Variants in ESR1 observed in about 807,000 individuals in gnomAD.
ESR1 encodes estrogen receptor 1, also known as estrogen receptor.
In ESR1, 12 loss-of-function variants were observed where a neutral mutation model predicts 52.7. The ratio of observed to expected loss-of-function variants is 0.23; its 90% confidence interval spans 0.15 to 0.37. The LOEUF (loss-of-function observed/expected upper bound fraction) is 0.37, where lower values mean the gene tolerates loss of function less well. Ranked by LOEUF, ESR1 falls within the 10% of genes least tolerant of loss-of-function variation. The pLI, the probability that ESR1 is intolerant of heterozygous loss-of-function variation, is 1.00. For missense variants in ESR1, 584 were observed against 779.7 expected (o/e 0.75, Z 2.99); for synonymous variants, 305 against 316.8 (o/e 0.96, Z 0.39).
intron 5 of ESR1, among the ~76,000 whole-genome samples, chr6:152,012,631 A>G (rs2042870779): frequency 6.6e-6 from 1 of 152,192 alleles, no homozygotes; most frequent in African/African-American, 2.4e-5. Context: ...TGGCTCCGGT[A>G]TGCTCTGTTA....
chr6:151,916,633 G>A (rs952402088), intron 3 of ESR1, among the ~76,000 whole-genome samples: 1 of 152,008 alleles, frequency 6.6e-6, no homozygotes, highest in African/African-American at 2.4e-5. Context: ...GATGATTCAG[G>A]CTCTTCATAA....
chr6:151,939,577 T>C (rs1201963388), intron 3 of ESR1, among the ~76,000 whole-genome samples: 1 of 152,104 alleles, frequency 6.6e-6, no homozygotes, highest in East Asian at 1.9e-4. Flanking sequence ...AAAATTGAAA[T>C]AGAAGTCGCA....
chr6:151,986,020 A>G (rs936536632), intron 4 of ESR1, among the ~76,000 whole-genome samples: 1 of 152,144 alleles, frequency 6.6e-6, no homozygotes, highest in Non-Finnish European at 1.5e-5. Flanking sequence ...GGCATTAGAC[A>G]TAATAAGTTA....
chr6:151,754,910 A>T (rs974676576), intron 2 of ESR1, among the ~76,000 whole-genome samples: 6 of 152,130 alleles, frequency 3.9e-5, no homozygotes, highest in African/African-American at 1.4e-4. Context: ...CAAACTTAAC[A>T]TGTCTAAAAC....
intron 1 of ESR1, among the ~76,000 whole-genome samples, chr6:151,673,260 T>C (rs1254516389): frequency 6.6e-6 from 1 of 152,244 alleles, no homozygotes; most frequent in Non-Finnish European, 1.5e-5. Context: ...AGAAATATAT[T>C]GATGTCTCCC....
intron 2 of ESR1, among the ~76,000 whole-genome samples, chr6:151,845,045 A>G (rs1784890833): frequency 6.6e-6 from 1 of 152,192 alleles, no homozygotes; most frequent in Admixed American, 6.5e-5. Flanking sequence ...TCCTCCGAGA[A>G]ACAATGGCAA....
intron 1 of ESR1, among the ~76,000 whole-genome samples, chr6:151,691,996 G>C (rs1201218511): frequency 6.6e-6 from 1 of 152,196 alleles, no homozygotes; most frequent in African/African-American, 2.4e-5. Context: ...GTAGGTAAAA[G>C]ATACGACATG....
chr6:151,761,610 G>T (rs564896338), intron 2 of ESR1, among the ~76,000 whole-genome samples: 3 of 152,276 alleles, frequency 2.0e-5, no homozygotes, highest in East Asian at 3.9e-4. Context: ...CTTTAACGTT[G>T]CAGTGATCAC....
chr6:151,669,147 G>GGGGAGAGAGAGAGA (rs1554231683), intron 1 of ESR1, among the ~76,000 whole-genome samples: 38 of 69,298 alleles, frequency 5.5e-4, no homozygotes, highest in African/African-American at 3.2e-3. Context: ...TTGGGAGCTG[G>GGGGAGAGAGAGAGA]GAGAGAGAGA....
chr6:152,101,922 A>G lies in ESR1; in HGVS notation c.*2956A>G, dbSNP rs1438501821. ...TCTAAAATGGCAGCTTCAGTTCTAG[A>G]GAAGAAAGAACAACATCAGCAGTAA... On this transcript the variant is annotated 3_prime_UTR_variant, in exon 8 of 8. Transcript: ENST00000206249. 2 of 218,948 alleles carry G rather than the reference A, an allele frequency of 9.1e-6. No homozygotes were observed. Among genetic ancestry groups the G allele is most frequent in the African/African-American group, 4.5e-5 (2 of 44,542 alleles). The allele number at this position is 218,948 out of a possible 1,614,324, so 13.6% of individuals were successfully genotyped here.
At chr6:151,890,089 C>CTT (rs769048933) in intron 3 of ESR1, among the ~76,000 whole-genome samples, 66 of 140,786 alleles carry the variant, frequency 4.7e-4, no homozygotes, top group African/African-American at 1.6e-3. Flanking sequence ...TGTTTTTTTT[C>CTT]TTTTTTTTTT....
rs2046893651 is a variant in ESR1, at chr6:152,053,902, T to C, written c.1236-7089T>C. ...TGCATACTTTTGTAAGTGTAGAAAA[T>C]ATATGTATAGGAATAATTGCACATT... On this transcript the variant is annotated intron_variant, in intron 5 of 7. Coordinates refer to ENST00000206249, the MANE Select transcript of ESR1 (RefSeq NM_000125.4). This position sits in a 1 kb window ranked among gnomAD's most constrained non-coding sequence, Gnocchi z 4.1. 6.6e-6 allele frequency among the ~76,000 whole-genome samples: 1 copy of C among 152,176 alleles called. No homozygotes were observed. The highest frequency in any genetic ancestry group is 2.1e-4 in the South Asian group (1 of 4,832).
intron 3 of ESR1, among the ~76,000 whole-genome samples, chr6:151,905,222 T>C (rs1403802158): frequency 1.3e-5 from 2 of 152,060 alleles, no homozygotes; most frequent in Non-Finnish European, 1.5e-5. Context: ...TGAAACAACC[T>C]AGGAAGGAGG....
Position 152,100,378 on chromosome 6 carries a change from G to C in ESR1, c.*1412G>C. 6.3e-6 allele frequency: 2 copies of C among 318,614 alleles called. No homozygotes were observed. The highest frequency in any genetic ancestry group is 1.1e-5 in the Non-Finnish European group (2 of 174,570). 19.7% of individuals were successfully genotyped at this position (318,614 alleles called of 1,614,324 possible). On this transcript the variant is annotated 3_prime_UTR_variant, in exon 8 of 8. Coordinates refer to ENST00000206249, the MANE Select transcript of ESR1 (RefSeq NM_000125.4). Reference sequence around the variant, plus strand: ...TGGTTTAGAGATAATCCAAAATCAGGGTTTGGTTTGGGGAAGAAAATCCTC... The same window carrying C: ...TGGTTTAGAGATAATCCAAAATCAGCGTTTGGTTTGGGGAAGAAAATCCTC...
chr6:151,810,829 G>A (rs1778708840), intron 1 of ESR1, among the ~76,000 whole-genome samples: 1 of 152,150 alleles, frequency 6.6e-6, no homozygotes. Flanking sequence ...GAAAGCTAAT[G>A]GCCTAAAATA....
chr6:151,762,242 G>A (rs1408442363), intron 2 of ESR1, among the ~76,000 whole-genome samples: 2 of 152,068 alleles, frequency 1.3e-5, no homozygotes, highest in Non-Finnish European at 2.9e-5. Flanking sequence ...TTCATGCATG[G>A]GCTTATCCTA....
Position 152,069,241 on chromosome 6 carries a change from G to A in ESR1, c.1369+8117G>A. ...ATTCTGGCAAGAAGGAGGCTGAGGA[G>A]CTGGGGGTAACTGATTGGTTAGGAC... On this transcript the variant is annotated intron_variant, in intron 6 of 7. Coordinates refer to ENST00000206249, the MANE Select transcript of ESR1 (RefSeq NM_000125.4). Among the ~76,000 whole-genome samples, 2 of 136,722 alleles carry A rather than the reference G, an allele frequency of 1.5e-5. 1 individual carries two copies. The highest frequency in any genetic ancestry group is 6.5e-5 in the African/African-American group (2 of 30,556). 89.7% of individuals were successfully genotyped at this position (136,722 alleles called of 152,430 possible).
chr6:152,001,414 G>T lies in ESR1; in HGVS notation c.1097-10242G>T, dbSNP rs558252730. 3.9e-5 allele frequency among the ~76,000 whole-genome samples: 6 copies of T among 152,100 alleles called. No homozygotes were observed. The East Asian group carries it at 1.2e-3, about 30-fold the overall frequency. On this transcript the variant is annotated intron_variant, in intron 4 of 7. Transcript: ENST00000206249. ...CTATGAGACTAATCCATTCCCTGGA[G>T]AACTAATTTATTCTCATGAGAAAGA...
chr6:152,074,679 G>T (rs1299948019), intron 6 of ESR1, among the ~76,000 whole-genome samples: 1 of 152,214 alleles, frequency 6.6e-6, no homozygotes, highest in African/African-American at 2.4e-5. Context: ...ATCTTCCCAA[G>T]TGGCTGTACC....
Sources: gnomAD v4.1 joint callset for allele counts (sites outside exome capture counted in the v4.1 genomes callset) on GRCh38, gnomAD v4.1.1 for gene constraint, Gnocchi (gnomAD v3.1) non-coding constraint, MANE v1.5 for transcripts, NCBI Gene and HGNC (gene_info 2026-07-23, HGNC 2026-07-21) for gene names.